TBL1XR1: variants seen among roughly 807,000 people sequenced by gnomAD.
TBL1XR1 encodes the protein F-box-like/WD repeat-containing protein TBL1XR1.
A neutral mutation model predicts 66.9 loss-of-function variants in TBL1XR1; 5 were observed. The observed-to-expected ratio is 0.07, with a 90% CI of 0.04 to 0.16. The LOEUF is 0.16. Ranked by LOEUF, TBL1XR1 falls within the 10% of genes least tolerant of loss-of-function variation. TBL1XR1 has a pLI of 1.00. For missense variants in TBL1XR1, 238 were observed against 623.2 expected, an observed-to-expected ratio of 0.38 and a Z score of 6.58; for synonymous variants, 210 against 206.0, an observed-to-expected ratio of 1.02 and a Z score of -0.17.
At chr3:177,173,660 T>C (rs1201571258) in intron 1 of TBL1XR1, among the ~76,000 whole-genome samples, 1 of 152,132 alleles carries the variant, frequency 6.6e-6, no homozygotes, top group Non-Finnish European at 1.5e-5. Flanking sequence ...CTGGATTGGC[T>C]ATTGGAACAG....
At position 177,158,152 on chromosome 3, in the gene TBL1XR1, A is replaced by G. The variant is rs1364722210; in HGVS notation, c.-122+38969T>C. ...GTTTTTATAACATTATTTCTAAAAA[A>G]TAAAAAGTAAAACAAAAACAAAAAC... is the stretch of plus-strand genomic sequence containing the variant. On this transcript the variant is annotated intron_variant, in intron 1 of 15. Coordinates refer to ENST00000457928, the MANE Select transcript of TBL1XR1 (RefSeq NM_024665.7). Among the ~76,000 whole-genome samples, 8 of 124,462 alleles carry G rather than the reference A, an allele frequency of 6.4e-5. No individual in the cohort carries two copies. The East Asian group carries it at 1.6e-3, about 25-fold the overall frequency. 81.7% of individuals were successfully genotyped at this position (124,462 alleles called of 152,430 possible).
At position 177,033,091 on chromosome 3, in the gene TBL1XR1, C is replaced by A; in HGVS notation, c.1296G>T (p.Gly432=). The change falls in exon 14 of 16, where the codon GGG becomes GGT. Residue 432 remains glycine, a synonymous_variant. Coordinates refer to ENST00000457928, the MANE Select transcript of TBL1XR1 (RefSeq NM_024665.7). ...STVRLWDVDR[G]ICIHTLTKHQ... ...GTTTTGTCAAGGTATGGATGCATAT[C>A]CCTCGGTCTACATCCCATAACCTAA... 2 of 1,603,006 alleles carry A rather than the reference C, an allele frequency of 1.2e-6. No individual in the cohort carries two copies. The highest frequency in any genetic ancestry group is 1.7e-6 in the Non-Finnish European group (2 of 1,173,252).
intron 3 of TBL1XR1, 127 bp from the exon 4 acceptor site, chr3:177,054,045 C>CAT (rs1415707560): frequency 8.1e-6 from 5 of 614,960 alleles, no homozygotes; most frequent in South Asian, 7.1e-5. Context: ...AGACGAAGGT[C>CAT]GTGTGTGTGT....
intron 1 of TBL1XR1, among the ~76,000 whole-genome samples, chr3:177,174,273 G>A (rs770824638): frequency 5.9e-5 from 9 of 151,966 alleles, no homozygotes; most frequent in Admixed American, 2.6e-4. Context: ...GCCGGCCGGA[G>A]TGGCAAGCAC....
chr3:177,026,794 A>C (rs1713192082), intron 14 of TBL1XR1: 1 of 212,404 alleles, frequency 4.7e-6, no homozygotes, highest in Admixed American at 5.9e-5. Flanking sequence ...ACATGAAATA[A>C]GTTTTTGTTG....
At chr3:177,101,740 A>G (rs1006341765) in intron 1 of TBL1XR1, among the ~76,000 whole-genome samples, 8 of 152,222 alleles carry the variant, frequency 5.3e-5, no homozygotes, top group South Asian at 2.1e-4. Flanking sequence ...GTATTCTGTT[A>G]TAACAACAGA....
At chr3:177,077,646 C>G (rs1720857351) in intron 2 of TBL1XR1, among the ~76,000 whole-genome samples, 1 of 152,166 alleles carries the variant, frequency 6.6e-6, no homozygotes, top group Non-Finnish European at 1.5e-5. Flanking sequence ...GCACTTTACT[C>G]TTCAAGTGAG....
intron 1 of TBL1XR1, among the ~76,000 whole-genome samples, chr3:177,157,007 GAC>G (rs1731598977): frequency 6.6e-6 from 1 of 152,208 alleles, no homozygotes; most frequent in Non-Finnish European, 1.5e-5. Context: ...TTACAAGTCT[GAC>G]ACAGGTCTCA....
intron 1 of TBL1XR1, among the ~76,000 whole-genome samples, chr3:177,164,646 C>G (rs1216582657): frequency 1.3e-5 from 2 of 152,128 alleles, no homozygotes; most frequent in African/African-American, 4.8e-5. Flanking sequence ...CTGCGCCCAG[C>G]CTACTTCTAA....
chr3:177,158,825 C>G (rs1577342322), intron 1 of TBL1XR1, among the ~76,000 whole-genome samples: 1 of 152,226 alleles, frequency 6.6e-6, no homozygotes, highest in African/African-American at 2.4e-5. Context: ...ATTAACCTAA[C>G]CTCCCCAGCC....
intron 1 of TBL1XR1, among the ~76,000 whole-genome samples, chr3:177,175,802 T>TA (rs1734077730): frequency 6.6e-6 from 1 of 152,166 alleles, no homozygotes; most frequent in Admixed American, 6.6e-5. Flanking sequence ...CTCATGCCTG[T>TA]AATCCTAGCA....
intron 4 of TBL1XR1, among the ~76,000 whole-genome samples, chr3:177,052,066 T>C (rs1717164430): frequency 6.6e-6 from 1 of 152,194 alleles, no homozygotes; most frequent in African/African-American, 2.4e-5. Flanking sequence ...CAACAAACAA[T>C]ATGGAATATA....
At chr3:177,119,588 G>T (rs913560576) in intron 1 of TBL1XR1, among the ~76,000 whole-genome samples, 4 of 152,280 alleles carry the variant, frequency 2.6e-5, no homozygotes, top group African/African-American at 9.6e-5. Context: ...GTTGAAATTT[G>T]CTGAACAAAC....
chr3:177,106,283 C>T (rs1560181707), intron 1 of TBL1XR1, among the ~76,000 whole-genome samples: 1 of 152,060 alleles, frequency 6.6e-6, no homozygotes, highest in African/African-American at 2.4e-5. Flanking sequence ...GGGAAACCAT[C>T]GCGCAAATCA....
chr3:177,038,947 A>G (rs1715192951), intron 10 of TBL1XR1, among the ~76,000 whole-genome samples: 1 of 152,178 alleles, frequency 6.6e-6, no homozygotes, highest in Admixed American at 6.5e-5. Flanking sequence ...GAGCACCCCA[A>G]TCTGAAAATC....
chr3:177,141,791 G>C (rs763866453), intron 1 of TBL1XR1, among the ~76,000 whole-genome samples: 12 of 152,166 alleles, frequency 7.9e-5, no homozygotes, highest in African/African-American at 2.4e-4. Flanking sequence ...CACAATAGCC[G>C]AAAGTCGGGA....
intron 1 of TBL1XR1, among the ~76,000 whole-genome samples, chr3:177,184,404 C>G (rs182497333): frequency 6.6e-6 from 1 of 152,294 alleles, no homozygotes. Flanking sequence ...CTTGGCAAAG[C>G]AATACCTTTG....
At chr3:177,147,956 A>G (rs1177881079) in intron 1 of TBL1XR1, among the ~76,000 whole-genome samples, 1 of 152,264 alleles carries the variant, frequency 6.6e-6, no homozygotes, top group African/African-American at 2.4e-5. Context: ...CACAGGGGAC[A>G]CAGAGCTACC....
intron 2 of TBL1XR1, among the ~76,000 whole-genome samples, chr3:177,092,743 A>C (rs1424516267): frequency 6.6e-6 from 1 of 152,020 alleles, no homozygotes; most frequent in African/African-American, 2.4e-5. Flanking sequence ...TAGAATTACC[A>C]TATGATCCAG....
Sources: allele counts gnomAD v4.1 joint callset (sites outside exome capture counted in the v4.1 genomes callset), GRCh38; gene constraint gnomAD v4.1.1; transcripts MANE v1.5; gene names NCBI Gene and HGNC (gene_info 2026-07-23, HGNC 2026-07-21).